ADAMTS12: variants seen among roughly 807,000 people sequenced by gnomAD.
ADAMTS12 encodes ADAM metallopeptidase with thrombospondin type 1 motif 12.
A neutral mutation model predicts 167.8 loss-of-function variants in ADAMTS12; 118 were observed. The ratio of observed to expected loss-of-function variants is 0.70; its 90% CI spans 0.61 to 0.82. The LOEUF is 0.82. Among genes scored for constraint, ADAMTS12 ranks in the 40% least tolerant of loss-of-function variants. The pLI is 0.00. For missense variants in ADAMTS12, 1,916 were observed against 1,998.8 expected (o/e 0.96, Z 0.79); for synonymous variants, 704 against 716.9 (o/e 0.98, Z 0.29).
rs180904582 is a variant in ADAMTS12, at chr5:33,801,755, C to T, written c.490-50207G>A. ...GAATACTCATTGTGACATCAGACAG[C>T]GAAGCAACAAGAAAATGCCGTGAGG... On this transcript the variant is annotated intron_variant, in intron 2 of 23. Transcript: ENST00000504830. 3.3e-5 allele frequency among the ~76,000 whole-genome samples: 5 copies of T among 152,216 alleles called. No individual in the cohort carries two copies. In the East Asian group the frequency reaches 5.8e-4, roughly 18 times the overall value.
rs146269946 is a variant in ADAMTS12, at chr5:33,566,545, C to G, written c.3973-5366G>C. 6.6e-3 allele frequency among the ~76,000 whole-genome samples: 999 copies of G among 152,172 alleles called. 10 individuals carry two copies. The highest frequency in any genetic ancestry group is 0.023 in the African/African-American group (964 of 41,514). On this transcript the variant is annotated intron_variant, in intron 19 of 23. Coordinates refer to ENST00000504830, the MANE Select transcript of ADAMTS12 (RefSeq NM_030955.4). ...TCCCCATATCCAATTATTTACAAAC[C>G]CTGATTTTAAGTTCAAATATATATT...
At chr5:33,534,282 C>G (rs76578070) in intron 23 of ADAMTS12, among the ~76,000 whole-genome samples, 1 of 150,648 alleles carries the variant, frequency 6.6e-6, no homozygotes, top group South Asian at 2.1e-4. Flanking sequence ...AGCTAGGACT[C>G]AGGTTCCTGA....
In ADAMTS12 at chr5:33,729,445, G is replaced by C. The variant is rs187717945; in HGVS notation, c.634+21959C>G. ...CTTAAATTGTTTCACTCTAATACAA[G>C]CATTCACAAGAAATAGCCCAAATTA... On this transcript the variant is annotated intron_variant, in intron 3 of 23. Coordinates refer to ENST00000504830, the MANE Select transcript of ADAMTS12 (RefSeq NM_030955.4). Among the ~76,000 whole-genome samples the C allele has an allele frequency of 5.4e-4, 83 of 152,294 alleles. 2 individuals carry two copies. The South Asian group carries it at 0.012, about 22-fold the overall frequency.
At chr5:33,545,111 C>T (rs910488507) in intron 22 of ADAMTS12, among the ~76,000 whole-genome samples, 2 of 152,184 alleles carry the variant, frequency 1.3e-5, no homozygotes, top group Non-Finnish European at 2.9e-5. Context: ...ATCTACCCAT[C>T]TGACAAAGGG....
At chr5:33,637,278 G>C (rs1312061861) in intron 12 of ADAMTS12, among the ~76,000 whole-genome samples, 1 of 152,102 alleles carries the variant, frequency 6.6e-6, no homozygotes, top group African/African-American at 2.4e-5. Context: ...ATTAGTTACT[G>C]AATTCCTACA....
Position 33,848,645 on chromosome 5 carries a change from T to C in ADAMTS12, c.489+32474A>G, listed in dbSNP as rs572162573. 3.9e-5 allele frequency among the ~76,000 whole-genome samples: 6 copies of C among 152,278 alleles called. 1 individual carries two copies. The highest frequency in any genetic ancestry group is 1.4e-4 in the African/African-American group (6 of 41,556). On this transcript the variant is annotated intron_variant, in intron 2 of 23. Transcript: ENST00000504830. The stretch of plus-strand genomic sequence containing the variant: ...AGGTTACTTGAGGTTGTTGGAATTG[T>C]TGAGATGTATTCTGAATCAGTTGCC...
At chr5:33,739,229 C>T (rs991989237) in intron 3 of ADAMTS12, among the ~76,000 whole-genome samples, 20 of 152,062 alleles carry the variant, frequency 1.3e-4, no homozygotes, top group Non-Finnish European at 2.5e-4. Flanking sequence ...CACACATGTA[C>T]ACCCCACGCA....
intron 20 of ADAMTS12, 86 bp from the exon 21 acceptor site, chr5:33,549,469 C>T: frequency 6.7e-7 from 1 of 1,487,340 alleles, no homozygotes; most frequent in African/African-American, 1.4e-5. Flanking sequence ...AGGCGCCAGG[C>T]ATTCAGTCAT....
At chr5:33,859,807 G>C (rs2910636) in intron 2 of ADAMTS12, among the ~76,000 whole-genome samples, 4,526 of 152,248 alleles carry the variant, frequency 0.03, 185 homozygotes, top group East Asian at 0.19. Context: ...AGCTTCCAGA[G>C]GAAGGAACAG....
At chr5:33,746,113 G>T (rs1382977774) in intron 3 of ADAMTS12, among the ~76,000 whole-genome samples, 1 of 152,178 alleles carries the variant, frequency 6.6e-6, no homozygotes, top group African/African-American at 2.4e-5. Flanking sequence ...ACAAACTACT[G>T]TGAAGCCACC....
At chr5:33,871,246 G>C (rs973501658) in intron 2 of ADAMTS12, among the ~76,000 whole-genome samples, 1 of 152,028 alleles carries the variant, frequency 6.6e-6, no homozygotes, top group African/African-American at 2.4e-5. Flanking sequence ...GGCCCAGATA[G>C]TTTCAATACA....
intron 2 of ADAMTS12, among the ~76,000 whole-genome samples, chr5:33,786,642 T>C (rs1746337475): frequency 6.6e-6 from 1 of 152,158 alleles, no homozygotes; most frequent in Admixed American, 6.5e-5. Flanking sequence ...GATTGGGTCC[T>C]AGGAGTCTGT....
Position 33,576,240 on chromosome 5 carries a change from C to T in ADAMTS12, c.3786G>A (p.Lys1262=). ...GTTTCAGGTGGTTACGGTTTGCCGT[C>T]TTTCCTGAGGGTTCTGGCTGGTGGT... ...GGDHQPEPSG[K]TANRNHLKLP... Residue 1262 remains lysine, a synonymous_variant, in exon 19 of 24, where the codon AAG becomes AAA. Coordinates refer to ENST00000504830, the MANE Select transcript of ADAMTS12 (RefSeq NM_030955.4). 1 of 1,614,214 alleles carries T rather than the reference C, an allele frequency of 6.2e-7. No homozygotes were observed. The highest frequency in any genetic ancestry group is 1.3e-5 in the African/African-American group (1 of 75,054).
chr5:33,649,100 C>A, intron 8 of ADAMTS12, 134 bp from the exon 9 acceptor site: 2 of 1,014,326 alleles, frequency 2.0e-6, no homozygotes, highest in Non-Finnish European at 1.4e-6. Flanking sequence ...AGGCAGAGAA[C>A]TCTCTAGGCC....
In ADAMTS12 at chr5:33,578,056, C is replaced by T. The variant is rs549043796; in HGVS notation, c.2866-896G>A. ...AAATGTCTAAATATTTTGAAAAATCCGTACTTTTACCAAATGGTTCCATTT... is the reference window on the plus strand; with the variant it reads ...AAATGTCTAAATATTTTGAAAAATCTGTACTTTTACCAAATGGTTCCATTT... On this transcript the variant is annotated intron_variant, in intron 18 of 23. Transcript: ENST00000504830. Among the ~76,000 whole-genome samples the T allele has an allele frequency of 8.5e-5, 13 of 152,268 alleles. No individual in the cohort carries two copies. The South Asian group carries it at 1.4e-3, about 17-fold the overall frequency.
intron 2 of ADAMTS12, among the ~76,000 whole-genome samples, chr5:33,879,215 T>G (rs550305544): frequency 6.6e-5 from 10 of 152,302 alleles, no homozygotes; most frequent in African/African-American, 2.4e-4. Flanking sequence ...GAGACATTTT[T>G]GCCCATTCCC....
intron 2 of ADAMTS12, among the ~76,000 whole-genome samples, chr5:33,813,172 C>T (rs554652161): frequency 6.6e-6 from 1 of 152,298 alleles, no homozygotes; most frequent in African/African-American, 2.4e-5. Context: ...CTTAAAGTCC[C>T]ACCAGCAATA....
chr5:33,595,133 T>C (rs929630193), intron 17 of ADAMTS12, among the ~76,000 whole-genome samples: 1 of 152,160 alleles, frequency 6.6e-6, no homozygotes, highest in African/African-American at 2.4e-5. Context: ...CTTCTCCTTC[T>C]TCCTCCTTTA....
rs556875894 is a variant in ADAMTS12 at position 33,623,585 on chromosome 5, G to A, written c.2143+646C>T. ...TGCACAGAGAAGAAACTCTGCAAAA[G>A]GTGACTATGGGAAAAGAATAGTAAA... On this transcript the variant is annotated intron_variant, in intron 14 of 23. Transcript: ENST00000504830. Among the ~76,000 whole-genome samples the A allele has an allele frequency of 3.3e-5, 5 of 152,294 alleles. No homozygotes were observed. In the East Asian group the frequency reaches 9.6e-4, roughly 29 times the overall value.
Sources: gnomAD v4.1 joint callset for allele counts (sites outside exome capture counted in the v4.1 genomes callset) on GRCh38, gnomAD v4.1.1 for gene constraint, MANE v1.5 for transcripts, NCBI Gene and HGNC (gene_info 2026-07-23, HGNC 2026-07-21) for gene names.